The following PI4K2A variants were observed in gnomAD, a reference collection of about 807,000 sequenced individuals.
The protein encoded by PI4K2A is phosphatidylinositol 4-kinase type 2 alpha.
Under a neutral mutation model 55.0 loss-of-function variants are expected in PI4K2A, and 20 were observed. The observed-to-expected ratio is 0.36, with a 90% CI of 0.26 to 0.53. PI4K2A has a LOEUF of 0.53. Among genes scored for constraint, PI4K2A ranks in the 20% least tolerant of loss-of-function variants. The pLI is 0.91. For missense variants in PI4K2A, 463 were observed against 637.1 expected (o/e 0.73, Z 2.94); for synonymous variants, 235 against 258.5 (o/e 0.91, Z 0.87).
At chr10:97,662,353 C>G (rs547574360) in intron 4 of PI4K2A, among the ~76,000 whole-genome samples, 2 of 152,214 alleles carry the variant, frequency 1.3e-5, no homozygotes, top group African/African-American at 4.8e-5. Flanking sequence ...AATCGTAGAG[C>G]TGTATAAAGG....
intron 1 of PI4K2A, among the ~76,000 whole-genome samples, chr10:97,646,025 T>C (rs1265067862): frequency 6.6e-6 from 1 of 152,118 alleles, no homozygotes; most frequent in Non-Finnish European, 1.5e-5. Context: ...AGTTCCTTTT[T>C]GGGGTCCACA....
chr10:97,654,324 C>T (rs1437974517), intron 2 of PI4K2A, among the ~76,000 whole-genome samples: 1 of 152,056 alleles, frequency 6.6e-6, no homozygotes, highest in Non-Finnish European at 1.5e-5. Context: ...GCTCTTTTTC[C>T]TTCATTCCTA....
intron 8 of PI4K2A, among the ~76,000 whole-genome samples, chr10:97,668,545 T>C (rs544359819): frequency 1.3e-5 from 2 of 152,112 alleles, no homozygotes; most frequent in African/African-American, 4.8e-5. Flanking sequence ...ACCACTGCAC[T>C]CCAGTCTAGG....
chr10:97,672,231 T>G (rs905354424), intron 8 of PI4K2A, among the ~76,000 whole-genome samples: 5 of 151,720 alleles, frequency 3.3e-5, no homozygotes, highest in African/African-American at 1.2e-4. Context: ...TTAGTAGATA[T>G]GGGGTTTTAC....
intron 8 of PI4K2A, among the ~76,000 whole-genome samples, chr10:97,672,202 C>G (rs545307070): frequency 3.3e-4 from 50 of 151,922 alleles, no homozygotes; most frequent in Non-Finnish European, 2.8e-4. Context: ...GCCACCATGC[C>G]TGGCTAATTT....
At chr10:97,669,661 C>T (rs2041626211) in intron 8 of PI4K2A, among the ~76,000 whole-genome samples, 2 of 152,158 alleles carry the variant, frequency 1.3e-5, no homozygotes, top group Admixed American at 6.6e-5. Context: ...AAAATGTGTG[C>T]ACTACAAAAT....
chr10:97,660,853 T>A (rs2041579062), intron 4 of PI4K2A, among the ~76,000 whole-genome samples: 1 of 151,848 alleles, frequency 6.6e-6, no homozygotes, highest in Non-Finnish European at 1.5e-5. Flanking sequence ...GAGACTGGTA[T>A]AATAAACCCC....
At chr10:97,667,110 T>C (rs2041613156) in exon 8 of PI4K2A, 4 of 1,613,012 alleles carry the variant, frequency 2.5e-6, no homozygotes, top group South Asian at 1.1e-5. Flanking sequence ...ATTGCTGTCA[T>C]GCGGGGCCAG....
intron 2 of PI4K2A, among the ~76,000 whole-genome samples, chr10:97,655,671 T>A (rs1193608527): frequency 6.6e-6 from 1 of 151,590 alleles, no homozygotes; most frequent in Non-Finnish European, 1.5e-5. Flanking sequence ...GCCTCCAAGG[T>A]TCAAGCCATC....
chr10:97,651,595 G>A (rs1482729880), intron 2 of PI4K2A, among the ~76,000 whole-genome samples: 2 of 152,164 alleles, frequency 1.3e-5, no homozygotes, highest in African/African-American at 2.4e-5. Context: ...GGTCTGGCCT[G>A]AACCCTACAG....
intron 4 of PI4K2A, among the ~76,000 whole-genome samples, chr10:97,662,551 A>G (rs2041590217): frequency 1.3e-5 from 2 of 152,282 alleles, no homozygotes; most frequent in South Asian, 4.1e-4. Flanking sequence ...CTGATCAGTC[A>G]CTGGATTATA....
chr10:97,668,492 T>C (rs1227237144), intron 8 of PI4K2A, among the ~76,000 whole-genome samples: 1 of 152,134 alleles, frequency 6.6e-6, no homozygotes, highest in Non-Finnish European at 1.5e-5. Flanking sequence ...GTGGAAGGAT[T>C]GCTTGGGCCT....
chr10:97,662,242 C>T (rs1398163782), intron 4 of PI4K2A, among the ~76,000 whole-genome samples: 2 of 152,110 alleles, frequency 1.3e-5, no homozygotes, highest in Non-Finnish European at 2.9e-5. Context: ...TTTGGAGCCC[C>T]TACAGATCTG....
intron 6 of PI4K2A, among the ~76,000 whole-genome samples, chr10:97,665,377 C>G (rs1303375361): frequency 1.3e-5 from 2 of 151,988 alleles, no homozygotes; most frequent in Admixed American, 6.6e-5. Flanking sequence ...TGGGTTCAAG[C>G]GATTCTCCTG....
intron 1 of PI4K2A, among the ~76,000 whole-genome samples, chr10:97,647,088 C>T (rs1054354327): frequency 2.0e-5 from 3 of 151,994 alleles, no homozygotes; most frequent in Admixed American, 1.3e-4. Context: ...GCTCAGGTTC[C>T]AGTAATTGGT....
intron 4 of PI4K2A, among the ~76,000 whole-genome samples, chr10:97,658,239 C>A (rs1358734246): frequency 6.6e-6 from 1 of 152,178 alleles, no homozygotes; most frequent in Non-Finnish European, 1.5e-5. Context: ...TTTTCTGTTT[C>A]TATGATTTTG....
At chr10:97,645,465 G>A (rs941174417) in intron 1 of PI4K2A, among the ~76,000 whole-genome samples, 21 of 151,718 alleles carry the variant, frequency 1.4e-4, no homozygotes, top group African/African-American at 4.8e-4. Context: ...AAAATTAGCC[G>A]GGCGTGGTGG....
chr10:97,665,031 A>G (rs376367277), intron 6 of PI4K2A, 47 bp downstream of exon 6: 24 of 1,158,802 alleles, frequency 2.1e-5, no homozygotes, highest in Non-Finnish European at 3.1e-5. Flanking sequence ...TGCTCAGTAT[A>G]TTTTCTCACT....
intron 2 of PI4K2A, among the ~76,000 whole-genome samples, chr10:97,652,635 C>G (rs1445948579): frequency 2.6e-5 from 4 of 152,118 alleles, no homozygotes; most frequent in East Asian, 3.9e-4. Context: ...ATAGCAGATT[C>G]TATGAGCAAA....
Sources: gnomAD v4.1 joint callset for allele counts (sites outside exome capture counted in the v4.1 genomes callset) on GRCh38, gnomAD v4.1.1 for gene constraint, MANE v1.5 for transcripts, NCBI Gene and HGNC (gene_info 2026-07-23, HGNC 2026-07-21) for gene names.